PDE1C: variants seen among roughly 807,000 people sequenced by gnomAD.
The protein encoded by PDE1C is phosphodiesterase 1C.
Under a neutral mutation model 93.1 loss-of-function variants are expected in PDE1C, and 62 were observed. That is an observed-to-expected ratio of 0.67 (90% CI 0.54 to 0.82). The LOEUF (loss-of-function observed/expected upper bound fraction) is 0.82. Ranked by LOEUF, PDE1C falls within the 40% of genes least tolerant of loss-of-function variation. The probability of loss-of-function intolerance (pLI) is 0.00; values close to 1 mark genes in which losing one functional copy is unlikely to be tolerated. For missense variants in PDE1C, 742 were observed against 884.6 expected (o/e 0.84, Z 2.04); for synonymous variants, 325 against 310.1 (o/e 1.05, Z -0.50).
At chr7:31,853,229 T>C (rs541426000) in intron 7 of PDE1C, among the ~76,000 whole-genome samples, 3 of 152,192 alleles carry the variant, frequency 2.0e-5, no homozygotes, top group African/African-American at 7.2e-5. Flanking sequence ...ACAACAACAA[T>C]AAAAAACAAA....
the PDE1C span, among the ~76,000 whole-genome samples, chr7:31,657,492 G>A: frequency 6.6e-6 from 1 of 152,208 alleles, no homozygotes; most frequent in Non-Finnish European, 1.5e-5. Flanking sequence ...TATCGGTTCT[G>A]AGTCGCTTTC....
intron 2 of PDE1C, among the ~76,000 whole-genome samples, chr7:31,993,471 G>A (rs1461437266): frequency 1.3e-5 from 2 of 152,146 alleles, no homozygotes; most frequent in South Asian, 2.1e-4. Flanking sequence ...CAGAGATGGA[G>A]GGCATATCAC....
intron 17 of PDE1C, among the ~76,000 whole-genome samples, chr7:31,765,284 A>C (rs1373080046): frequency 6.6e-6 from 1 of 152,174 alleles, no homozygotes; most frequent in Non-Finnish European, 1.5e-5. Context: ...AAATAGACTA[A>C]AAATGAACTC....
At chr7:31,700,915 C>A in the PDE1C span, among the ~76,000 whole-genome samples, 1 of 152,130 alleles carries the variant, frequency 6.6e-6, no homozygotes, top group Non-Finnish European at 1.5e-5. Flanking sequence ...AAAAAAGACC[C>A]TTTTCAAATT....
rs373465719 is a variant in PDE1C, at chr7:31,758,750, T to C, written c.1961-5197A>G. ...GTTTCTTAGGGTAAACAAGAAATTATGGCATCAAATTGCCTAGGAACAAAC... is the reference window on the plus strand; with the variant it reads ...GTTTCTTAGGGTAAACAAGAAATTACGGCATCAAATTGCCTAGGAACAAAC... On this transcript the variant is annotated intron_variant, in intron 17 of 17. Coordinates refer to ENST00000396191, the MANE Select transcript of PDE1C (RefSeq NM_001191057.4). Among the ~76,000 whole-genome samples, 63 of 152,328 alleles carry C rather than the reference T, an allele frequency of 4.1e-4. 1 individual carries two copies. Among genetic ancestry groups the C allele is most frequent in the African/African-American group, 1.4e-3 (58 of 41,566 alleles).
At chr7:32,424,771 T>G (rs1308078414) in intron 1 of PDE1C, among the ~76,000 whole-genome samples, 1 of 152,110 alleles carries the variant, frequency 6.6e-6, no homozygotes, top group Non-Finnish European at 1.5e-5. Context: ...GAGATTGCAG[T>G]GAGCCGAGGT....
the PDE1C span, among the ~76,000 whole-genome samples, chr7:31,705,027 A>G: frequency 5.3e-5 from 8 of 152,284 alleles, no homozygotes; most frequent in African/African-American, 1.9e-4. Context: ...GAGCTACCAC[A>G]TATTTTTTCA....
intron 1 of PDE1C, among the ~76,000 whole-genome samples, chr7:32,224,495 T>C (rs1474436775): frequency 6.6e-6 from 1 of 152,162 alleles, no homozygotes; most frequent in African/African-American, 2.4e-5. Context: ...CAATACTCAC[T>C]CCTCGGGGTT....
At chr7:32,287,830 C>T (rs1259366232) in intron 1 of PDE1C, among the ~76,000 whole-genome samples, 3 of 152,162 alleles carry the variant, frequency 2.0e-5, no homozygotes, top group Admixed American at 6.5e-5. Flanking sequence ...AATTAGATGA[C>T]GTGAGGGTAG....
intron 2 of PDE1C, among the ~76,000 whole-genome samples, chr7:31,949,127 T>A (rs1807012043): frequency 6.6e-6 from 1 of 152,088 alleles, no homozygotes; most frequent in African/African-American, 2.4e-5. Context: ...TATGCAACAC[T>A]TTTTTAGTCC....
chr7:31,798,155 A>G (rs1438941523), intron 16 of PDE1C, among the ~76,000 whole-genome samples: 1 of 151,824 alleles, frequency 6.6e-6, no homozygotes, highest in African/African-American at 2.4e-5. Context: ...GCCAGTTGAC[A>G]TGAGGATCCC....
intron 2 of PDE1C, among the ~76,000 whole-genome samples, chr7:32,182,755 T>C (rs1483089998): frequency 5.3e-5 from 8 of 152,092 alleles, no homozygotes; most frequent in Non-Finnish European, 1.0e-4. Context: ...AGGGATGCCC[T>C]CTCTCACCAC....
intron 2 of PDE1C, among the ~76,000 whole-genome samples, chr7:32,170,343 C>T (rs1165940688): frequency 1.3e-5 from 2 of 152,040 alleles, no homozygotes; most frequent in African/African-American, 4.8e-5. Flanking sequence ...TTGCTGAAGC[C>T]CAAGACTCCA....
chr7:32,207,132 G>A (rs1805632040), intron 2 of PDE1C, among the ~76,000 whole-genome samples: 1 of 151,988 alleles, frequency 6.6e-6, no homozygotes, highest in South Asian at 2.1e-4. Flanking sequence ...AGTCTCACAG[G>A]ACTAACTCCA....
intron 6 of PDE1C, among the ~76,000 whole-genome samples, chr7:31,872,596 T>G (rs533735792): frequency 6.6e-6 from 1 of 152,142 alleles, no homozygotes; most frequent in African/African-American, 2.4e-5. Context: ...GAGAAATCAA[T>G]ATGTGGTACA....
At chr7:31,981,737 TTGTA>T (rs1336079333) in intron 2 of PDE1C, among the ~76,000 whole-genome samples, 1 of 152,222 alleles carries the variant, frequency 6.6e-6, no homozygotes, top group Non-Finnish European at 1.5e-5. Flanking sequence ...ACACATATAG[TTGTA>T]TGTGTCAACA....
intron 1 of PDE1C, among the ~76,000 whole-genome samples, chr7:32,395,102 G>T (rs1562705402): frequency 6.6e-6 from 1 of 152,206 alleles, no homozygotes; most frequent in Non-Finnish European, 1.5e-5. Context: ...ATATGGAAAA[G>T]GTGAGAAATC....
intron 15 of PDE1C, among the ~76,000 whole-genome samples, chr7:31,811,586 A>G (rs1232291217): frequency 6.6e-6 from 1 of 152,084 alleles, no homozygotes; most frequent in Non-Finnish European, 1.5e-5. Context: ...ACTGTAGTCA[A>G]ACTAGTTCCT....
Position 32,124,205 on chromosome 7 carries a change from G to A in PDE1C, c.308+45580C>T, listed in dbSNP as rs571379111. 1.1e-4 allele frequency among the ~76,000 whole-genome samples: 17 copies of A among 152,188 alleles called. 1 individual carries two copies. In the East Asian group the frequency reaches 3.3e-3, roughly 29 times the overall value. ...AAACCACTGCTCAAGGAAATGAGAG[G>A]ACACAAACAAATGGAAAAACATTCC... On this transcript the variant is annotated intron_variant, in intron 3 of 18. Transcript: ENST00000396193.
Sources: gnomAD v4.1 joint callset for allele counts (sites outside exome capture counted in the v4.1 genomes callset) on GRCh38, gnomAD v4.1.1 for gene constraint, MANE v1.5 for transcripts, NCBI Gene and HGNC (gene_info 2026-07-23, HGNC 2026-07-21) for gene names.